TNNI3K: variants seen among roughly 807,000 people sequenced by gnomAD.
TNNI3K encodes the protein TNNI3 interacting kinase.
Under a neutral mutation model 114.5 loss-of-function variants are expected in TNNI3K, and 140 were observed. The ratio of observed to expected loss-of-function variants is 1.22; its 90% CI spans 1.07 to 1.41. The LOEUF is 1.41. TNNI3K is among the 40% of genes most tolerant of loss of function. The pLI is 0.00. For synonymous variants in TNNI3K, 347 were observed against 347.5 expected, an observed-to-expected ratio of 1.00 and a Z score of 0.02; for missense variants, 1,125 against 1,007.6, an observed-to-expected ratio of 1.12 and a Z score of -1.58.
intron 21 of TNNI3K, chr1:74,464,666 C>T (rs777834118): frequency 1.3e-6 from 2 of 1,596,090 alleles, no homozygotes; most frequent in Non-Finnish European, 8.5e-7. Context: ...TACCCAGTCT[C>T]ATCTGTGTAC....
chr1:74,483,489 T>A (rs1242570466), intron 21 of TNNI3K: 1 of 547,542 alleles, frequency 1.8e-6, no homozygotes, highest in African/African-American at 1.9e-5. Context: ...AATGAGCATC[T>A]TGGTGTTCTC....
intron 5 of TNNI3K, among the ~76,000 whole-genome samples, chr1:74,326,636 G>A (rs1659920112): frequency 6.6e-6 from 1 of 152,154 alleles, no homozygotes; most frequent in Non-Finnish European, 1.5e-5. Flanking sequence ...TTTACCCACA[G>A]TGTTAATTAC....
At chr1:74,427,433 T>C (rs1665691023) in intron 17 of TNNI3K, among the ~76,000 whole-genome samples, 1 of 151,938 alleles carries the variant, frequency 6.6e-6, no homozygotes, top group African/African-American at 2.4e-5. Flanking sequence ...ATATGCTTTA[T>C]GGGAAAAAAA....
chr1:74,294,247 C>T (rs1022763204), intron 5 of TNNI3K, among the ~76,000 whole-genome samples: 1 of 152,016 alleles, frequency 6.6e-6, no homozygotes, highest in Middle Eastern at 3.4e-3. Flanking sequence ...ACCCTGGCCT[C>T]ATAGAACAAA....
At chr1:74,275,714 A>G (rs45492606) in intron 5 of TNNI3K, among the ~76,000 whole-genome samples, 4,317 of 152,152 alleles carry the variant, frequency 0.028, 215 homozygotes, top group African/African-American at 0.099. Flanking sequence ...TCTAGGTAAA[A>G]TTAGGTGTTA....
intron 17 of TNNI3K, among the ~76,000 whole-genome samples, chr1:74,410,834 T>A (rs1664846370): frequency 6.6e-6 from 1 of 152,226 alleles, no homozygotes; most frequent in African/African-American, 2.4e-5. Context: ...TTATGAGGAA[T>A]CACAGCCTGA....
At chr1:74,335,939 C>T (rs570034610) in intron 6 of TNNI3K, 72 bp from the exon 7 acceptor site, 1,266 of 1,483,120 alleles carry the variant, frequency 8.5e-4, no homozygotes, top group Admixed American at 1.4e-3. Flanking sequence ...CAGTTGTGTT[C>T]TTGTATACTG....
At chr1:74,530,685 T>C (rs745724183) in intron 23 of TNNI3K, among the ~76,000 whole-genome samples, 2 of 151,520 alleles carry the variant, frequency 1.3e-5, no homozygotes, top group Non-Finnish European at 2.9e-5. Context: ...AAGTGAGGAG[T>C]GGGCCTTATC....
intron 17 of TNNI3K, among the ~76,000 whole-genome samples, chr1:74,433,075 A>G (rs1286507718): frequency 1.3e-4 from 20 of 152,038 alleles, no homozygotes; most frequent in Admixed American, 1.3e-3. Flanking sequence ...CTGCACTGCC[A>G]CCATCTCTGT....
intron 20 of TNNI3K, 54 bp from the exon 21 acceptor site, chr1:74,463,387 T>C (rs2100722071): frequency 6.3e-7 from 1 of 1,586,412 alleles, no homozygotes; most frequent in Non-Finnish European, 8.7e-7. Flanking sequence ...TCTTCATTTG[T>C]TGCTTGAAAT....
At chr1:74,472,150 A>T (rs1667967209) in intron 21 of TNNI3K, 4 of 717,080 alleles carry the variant, frequency 5.6e-6, no homozygotes, top group African/African-American at 1.7e-5. Flanking sequence ...TTCTCCTGCC[A>T]AGGCTGAAGC....
At chr1:74,451,672 C>CTT (rs1405991996) in intron 20 of TNNI3K, among the ~76,000 whole-genome samples, 1 of 41,508 alleles carries the variant, frequency 2.4e-5, no homozygotes, top group African/African-American at 8.2e-5. Flanking sequence ...CTTTTCTTTT[C>CTT]TTTTCTTTTC....
intron 2 of TNNI3K, among the ~76,000 whole-genome samples, chr1:74,247,457 C>T (rs1036018230): frequency 2.2e-4 from 34 of 152,260 alleles, no homozygotes; most frequent in African/African-American, 7.5e-4. Context: ...GAACAAAGCT[C>T]CCACGGTATG....
At chr1:74,483,861 T>C (rs997587862) in intron 21 of TNNI3K, among the ~76,000 whole-genome samples, 4 of 152,196 alleles carry the variant, frequency 2.6e-5, no homozygotes, top group African/African-American at 9.7e-5. Context: ...TGATTACAAC[T>C]AAATTCTTAC....
chr1:74,446,449 CAG>C (rs1666684646), intron 20 of TNNI3K, among the ~76,000 whole-genome samples: 1 of 149,442 alleles, frequency 6.7e-6, no homozygotes, highest in African/African-American at 2.5e-5. Flanking sequence ...AGCCCTTTGT[CAG>C]ATGAGTAGGT....
At chr1:74,289,484 G>T (rs1657542325) in intron 5 of TNNI3K, among the ~76,000 whole-genome samples, 2 of 65,312 alleles carry the variant, frequency 3.1e-5, no homozygotes, top group South Asian at 5.0e-4. Context: ...CCCATAGGTA[G>T]TGTCATTAGT....
At chr1:74,477,143 A>C (rs1006822857) in intron 21 of TNNI3K, among the ~76,000 whole-genome samples, 6 of 152,230 alleles carry the variant, frequency 3.9e-5, no homozygotes, top group African/African-American at 1.4e-4. Flanking sequence ...CCAAACAAGG[A>C]TTTTGGTTTT....
chr1:74,284,612 C>G (rs1266155412), intron 5 of TNNI3K, among the ~76,000 whole-genome samples: 2 of 152,204 alleles, frequency 1.3e-5, no homozygotes, highest in African/African-American at 4.8e-5. Flanking sequence ...TAAAGTCACT[C>G]TGAGAAGCAA....
intron 17 of TNNI3K, among the ~76,000 whole-genome samples, chr1:74,422,324 G>A (rs1665439650): frequency 6.6e-6 from 1 of 151,876 alleles, no homozygotes; most frequent in African/African-American, 2.4e-5. Flanking sequence ...CTCCAATGCA[G>A]GTATTTCATT....
Sources: gnomAD v4.1 joint callset for allele counts (sites outside exome capture counted in the v4.1 genomes callset) on GRCh38, gnomAD v4.1.1 for gene constraint, MANE v1.5 for transcripts, NCBI Gene and HGNC (gene_info 2026-07-23, HGNC 2026-07-21) for gene names.